Variants in DPYSL2 observed in about 807,000 individuals in gnomAD.
The protein encoded by DPYSL2 is dihydropyrimidinase-related protein 2.
DPYSL2 carries 13 observed loss-of-function variants against 69.9 expected under a neutral mutation model. The observed-to-expected ratio is 0.19, with a 90% CI of 0.12 to 0.30. DPYSL2 has a LOEUF of 0.30. DPYSL2 is among the 10% of genes least tolerant of loss of function. The pLI is 1.00. For synonymous variants in DPYSL2, 326 were observed against 359.1 expected, an observed-to-expected ratio of 0.91 and a Z score of 1.04; for missense variants, 587 against 918.9, an observed-to-expected ratio of 0.64 and a Z score of 4.67.
At position 26,565,462 on chromosome 8, in the gene DPYSL2, G is replaced by T. The variant is rs73559037; in HGVS notation, c.355-16507G>T. ...TGGGGGCCCAGCTGTGAATGAAGAG[G>T]TTGACTCATCACATCTTGATGATGT... On this transcript the variant is annotated intron_variant, in intron 1 of 13. Transcript: ENST00000521913. The surrounding 1 kb of genome is among the most constrained non-coding windows in gnomAD (Gnocchi z 4.1). Among the ~76,000 whole-genome samples, 584 of 152,272 alleles carry T rather than the reference G, an allele frequency of 3.8e-3. 3 individuals are homozygous for T. Among genetic ancestry groups the T allele is most frequent in the African/African-American group, 0.013 (531 of 41,562 alleles).
Position 26,654,536 on chromosome 8 carries a change from A to T in DPYSL2, c.1943-1079A>T, listed in dbSNP as rs1419945884. Among the ~76,000 whole-genome samples the T allele has an allele frequency of 6.6e-6, 1 of 152,236 alleles. No homozygotes were observed. The highest frequency in any genetic ancestry group is 1.5e-5 in the Non-Finnish European group (1 of 68,044). On this transcript the variant is annotated intron_variant, in intron 13 of 13. Coordinates refer to ENST00000521913, the MANE Select transcript of DPYSL2 (RefSeq NM_001197293.3). This position sits in a 1 kb window ranked among gnomAD's most constrained non-coding sequence, Gnocchi z 5.0. ...AAGGAACTTTACTTTGTTGTAAGTA[A>T]AACGTGTATAATCATGTCTGTGTTT...
chr8:26,623,045 T>C (rs1431502782), intron 3 of DPYSL2, among the ~76,000 whole-genome samples: 2 of 152,238 alleles, frequency 1.3e-5, no homozygotes, highest in African/African-American at 4.8e-5. Context: ...AGTGCTTGTG[T>C]GCAGAAGATG....
At position 26,648,131 on chromosome 8, in the gene DPYSL2, TG is replaced by T. The variant is rs1418887474; in HGVS notation, c.1596+333del. ...TCATAGGTTGGCACAGCACTTCTCA[TG>T]GCAGTACTTGGTGCAAGGGACCTCA... is the stretch of plus-strand genomic sequence containing the variant. On this transcript the variant is annotated intron_variant, in intron 11 of 13. Coordinates refer to ENST00000521913, the MANE Select transcript of DPYSL2 (RefSeq NM_001197293.3). This position sits in a 1 kb window ranked among gnomAD's most constrained non-coding sequence, Gnocchi z 4.3. Among the ~76,000 whole-genome samples, 2 of 152,198 alleles carry T rather than the reference TG, an allele frequency of 1.3e-5. No homozygotes were observed. Among genetic ancestry groups the T allele is most frequent in the African/African-American group, 4.8e-5 (2 of 41,444 alleles).
At chr8:26,519,852 A>G (rs878882414) in intron 1 of DPYSL2, among the ~76,000 whole-genome samples, 35 of 151,818 alleles carry the variant, frequency 2.3e-4, no homozygotes, top group Admixed American at 8.5e-4. Flanking sequence ...AATGCTTGGT[A>G]TGGACGATTT....
chr8:26,527,804 C>CTTTTTTTTTTTTTTTTTTTTTT (rs34631984), intron 1 of DPYSL2, among the ~76,000 whole-genome samples: 1 of 132,718 alleles, frequency 7.5e-6, no homozygotes, highest in African/African-American at 2.8e-5. Context: ...TTTGTTTATC[C>CTTTTTTTTTTTTTTTTTTTTTT]TTTTTTTTTT....
At chr8:26,547,306 T>G (rs1455070025) in intron 1 of DPYSL2, among the ~76,000 whole-genome samples, 1 of 151,088 alleles carries the variant, frequency 6.6e-6, no homozygotes, top group Non-Finnish European at 1.5e-5. Flanking sequence ...GAGGTTGCAG[T>G]GAGCCAAGAT....
Position 26,535,404 on chromosome 8 carries a change from G to A in DPYSL2, c.354+20725G>A, listed in dbSNP as rs78205548. ...AGGATTGTTTAGGGGATTTAAATATGTCATACATATAAAGTTTTGGAGCAC... is the reference window on the plus strand; with the variant it reads ...AGGATTGTTTAGGGGATTTAAATATATCATACATATAAAGTTTTGGAGCAC... On this transcript the variant is annotated intron_variant, in intron 1 of 13. Transcript: ENST00000521913. Among the ~76,000 whole-genome samples, 1,502 of 152,140 alleles carry A rather than the reference G, an allele frequency of 9.9e-3. 28 individuals carry two copies. Among genetic ancestry groups the A allele is most frequent in the African/African-American group, 0.032 (1,346 of 41,498 alleles).
chr8:26,521,375 T>G (rs1446202455), intron 1 of DPYSL2, among the ~76,000 whole-genome samples: 1 of 152,196 alleles, frequency 6.6e-6, no homozygotes, highest in Non-Finnish European at 1.5e-5. Context: ...CACAGTCATC[T>G]AACCTCAGTG....
chr8:26,585,589 G>T lies in DPYSL2; in HGVS notation c.628+1606G>T, dbSNP rs1801584241. 1.3e-5 allele frequency among the ~76,000 whole-genome samples: 2 copies of T among 152,188 alleles called. No individual in the cohort carries two copies. The highest frequency in any genetic ancestry group is 1.3e-4 in the Admixed American group (2 of 15,280). ...GAGATTTCATGCACACCTAGGGAGA[G>T]CAGAGCCTGCACCTTGTCATTTGCT... On this transcript the variant is annotated intron_variant, in intron 3 of 13. Coordinates refer to ENST00000521913, the MANE Select transcript of DPYSL2 (RefSeq NM_001197293.3). The surrounding 1 kb of genome is among the most constrained non-coding windows in gnomAD (Gnocchi z 4.0).
At chr8:26,525,711 A>G (rs1195332559) in intron 1 of DPYSL2, among the ~76,000 whole-genome samples, 3 of 152,124 alleles carry the variant, frequency 2.0e-5, no homozygotes, top group Non-Finnish European at 2.9e-5. Flanking sequence ...TTAGCTCTCT[A>G]TTCTGTTTCA....
chr8:26,534,073 A>G (rs1276617494), intron 1 of DPYSL2, among the ~76,000 whole-genome samples: 2 of 152,242 alleles, frequency 1.3e-5, no homozygotes, highest in Non-Finnish European at 2.9e-5. Flanking sequence ...GAGGAGTTCA[A>G]TGAGCAACAA....
intron 1 of DPYSL2, among the ~76,000 whole-genome samples, chr8:26,537,038 C>T (rs565711144): frequency 0.022 from 64 of 2,854 alleles, no homozygotes; most frequent in Non-Finnish European, 0.046. Flanking sequence ...GTAAATAATA[C>T]GGATTTTTTT....
At chr8:26,527,454 C>T (rs922216596) in intron 1 of DPYSL2, among the ~76,000 whole-genome samples, 16 of 151,722 alleles carry the variant, frequency 1.1e-4, no homozygotes, top group African/African-American at 3.9e-4. Context: ...AGGTGAAATC[C>T]CTTTGGAATC....
intron 3 of DPYSL2, among the ~76,000 whole-genome samples, chr8:26,596,053 C>T (rs187004859): frequency 6.6e-6 from 1 of 152,150 alleles, no homozygotes; most frequent in African/African-American, 2.4e-5. Context: ...AGGATGGGTC[C>T]ATCCTTAAAG....
In DPYSL2 at chr8:26,644,644, A is replaced by G. The variant is rs1358507007; in HGVS notation, c.1425+553A>G. Among the ~76,000 whole-genome samples the G allele has an allele frequency of 2.6e-5, 4 of 152,112 alleles. No individual in the cohort carries two copies. Among genetic ancestry groups the G allele is most frequent in the Non-Finnish European group, 5.9e-5 (4 of 68,028 alleles). ...TTATCATTATCATCAATGGAACAGT[A>G]AAGACTGAAAACCTACACAGCTTTA... On this transcript the variant is annotated intron_variant, in intron 10 of 13. Transcript: ENST00000521913. This position sits in a 1 kb window ranked among gnomAD's most constrained non-coding sequence, Gnocchi z 4.5.
At chr8:26,551,970 T>C (rs1347376921) in intron 1 of DPYSL2, among the ~76,000 whole-genome samples, 1 of 152,082 alleles carries the variant, frequency 6.6e-6, no homozygotes, top group African/African-American at 2.4e-5. Flanking sequence ...CATGCTACCA[T>C]GCCTGGCTAA....
In DPYSL2 at chr8:26,591,314, A is replaced by G. The variant is rs545130236; in HGVS notation, c.628+7331A>G. 1.4e-4 allele frequency among the ~76,000 whole-genome samples: 21 copies of G among 152,216 alleles called. No homozygotes were observed. Among genetic ancestry groups the G allele is most frequent in the Admixed American group, 3.3e-4 (5 of 15,288 alleles). On this transcript the variant is annotated intron_variant, in intron 3 of 13. Transcript: ENST00000521913. The surrounding 1 kb of genome is among the most constrained non-coding windows in gnomAD (Gnocchi z 5.8). ...CCCATGGGAATGCTAGGCTCCAGCAAGTTCTGCCTGACCTTTGGATGTGAG... is the reference window on the plus strand; with the variant it reads ...CCCATGGGAATGCTAGGCTCCAGCAGGTTCTGCCTGACCTTTGGATGTGAG...
At position 26,626,010 on chromosome 8, in the gene DPYSL2, T is replaced by A. The variant is rs866433835; in HGVS notation, c.794-607T>A. On this transcript the variant is annotated intron_variant, in intron 4 of 13. Transcript: ENST00000521913. This position sits in a 1 kb window ranked among gnomAD's most constrained non-coding sequence, Gnocchi z 4.3. ...AACTCTCCACTGTCCTTCACCCCAG[T>A]CCCTGGCAACTGCTGTTGTACTTTC... 6.6e-6 allele frequency among the ~76,000 whole-genome samples: 1 copy of A among 152,184 alleles called. No individual in the cohort carries two copies. Among genetic ancestry groups the A allele is most frequent in the South Asian group, 2.1e-4 (1 of 4,832 alleles).
In DPYSL2 at chr8:26,585,090, C is replaced by T. The variant is rs986995949; in HGVS notation, c.628+1107C>T. The stretch of plus-strand genomic sequence containing the variant: ...GAGGTGGGCAAGCTGCATAGTGGCC[C>T]GTCAGATACATATTTTAAAAAACAG... On this transcript the variant is annotated intron_variant, in intron 3 of 13. Coordinates refer to ENST00000521913, the MANE Select transcript of DPYSL2 (RefSeq NM_001197293.3). The surrounding 1 kb of genome is among the most constrained non-coding windows in gnomAD (Gnocchi z 4.0). Among the ~76,000 whole-genome samples, 3 of 151,988 alleles carry T rather than the reference C, an allele frequency of 2.0e-5. No homozygotes were observed. The highest frequency in any genetic ancestry group is 2.1e-4 in the South Asian group (1 of 4,820).
Sources: allele counts gnomAD v4.1 joint callset (sites outside exome capture counted in the v4.1 genomes callset), GRCh38; gene constraint gnomAD v4.1.1; non-coding constraint Gnocchi (gnomAD v3.1); transcripts MANE v1.5; gene names NCBI Gene and HGNC (gene_info 2026-07-23, HGNC 2026-07-21).